The following UNC79 variants were observed in gnomAD, a reference collection of about 807,000 sequenced individuals.
UNC79 encodes the protein protein unc-79 homolog.
UNC79 carries 37 observed loss-of-function variants against 283.1 expected under a neutral mutation model. The observed-to-expected ratio is 0.13, with a 90% CI of 0.10 to 0.17. UNC79 has a LOEUF of 0.17. UNC79 is among the 10% of genes least tolerant of loss of function. The pLI, the probability that UNC79 is intolerant of heterozygous loss-of-function variation, is 1.00. For missense variants in UNC79, 2,272 were observed against 3,211.1 expected (o/e 0.71, Z 7.07); for synonymous variants, 1,107 against 1,200.2 (o/e 0.92, Z 1.61).
chr14:93,484,721 T>A (rs1306205882), intron 4 of UNC79, among the ~76,000 whole-genome samples: 1 of 152,232 alleles, frequency 6.6e-6, no homozygotes, highest in Non-Finnish European at 1.5e-5. Context: ...TCTGTTTACA[T>A]CATGCCTTTT....
At chr14:93,377,816 C>T (rs753342938) in intron 1 of UNC79, among the ~76,000 whole-genome samples, 4 of 152,328 alleles carry the variant, frequency 2.6e-5, no homozygotes, top group Middle Eastern at 6.8e-3. Flanking sequence ...AATGCTCCCA[C>T]TGCAGTATGA....
At chr14:93,664,783 A>C (rs1206826554) in intron 40 of UNC79, among the ~76,000 whole-genome samples, 1 of 152,190 alleles carries the variant, frequency 6.6e-6, no homozygotes, top group Non-Finnish European at 1.5e-5. Flanking sequence ...AAATAACATT[A>C]GTGCTTAGTA....
chr14:93,403,915 C>A (rs1270935799), intron 1 of UNC79, among the ~76,000 whole-genome samples: 1 of 146,916 alleles, frequency 6.8e-6, no homozygotes, highest in Admixed American at 6.8e-5. Flanking sequence ...ACTCTTATAT[C>A]CACTTAAATA....
intron 1 of UNC79, among the ~76,000 whole-genome samples, chr14:93,434,111 G>A (rs998964153): frequency 6.6e-6 from 1 of 152,056 alleles, no homozygotes; most frequent in African/African-American, 2.4e-5. Context: ...TACTCAGGAG[G>A]CTGAGGCAGG....
intron 1 of UNC79, among the ~76,000 whole-genome samples, chr14:93,459,637 C>T (rs2056890323): frequency 6.9e-6 from 1 of 145,080 alleles, no homozygotes; most frequent in Admixed American, 6.9e-5. Context: ...TGCCTTTGGG[C>T]AAGTCACTTA....
At chr14:93,505,322 A>G (rs1406171704) in intron 7 of UNC79, among the ~76,000 whole-genome samples, 2 of 151,950 alleles carry the variant, frequency 1.3e-5, no homozygotes, top group African/African-American at 2.4e-5. Context: ...TGTTTGTTTT[A>G]TATATTTTCA....
At position 93,622,039 on chromosome 14, in the gene UNC79, A is replaced by G. The variant is rs201337890; in HGVS notation, c.4806A>G (p.Lys1602=). 4 of 1,613,976 alleles carry G rather than the reference A, an allele frequency of 2.5e-6. No homozygotes were observed. In the African/African-American group the frequency reaches 4.0e-5, roughly 16 times the overall value. ...ACTCGCCGGTAAAGCCTGCTCCTAA[A>G]GAGGATTTAGATCTGATAGATCTAT... The change falls in exon 30 of 49, where the codon AAA becomes AAG. Residue 1602 remains lysine (K), a synonymous_variant. Transcript: ENST00000555664.
At position 93,655,129 on chromosome 14, in the gene UNC79, C is replaced by T. The variant is rs2070780242; in HGVS notation, c.6283-105C>T. 5.3e-6 allele frequency: 7 copies of T among 1,309,700 alleles called. No individual in the cohort carries two copies. The Admixed American group carries it at 6.4e-5, about 12-fold the overall frequency. The allele number at this position is 1,309,700 out of a possible 1,614,324, so 81.1% of individuals were successfully genotyped here. ...TGGCCTATGTAGTAGGCACTGAACA[C>T]GTTTATAGCCTGAAGATGTGACTTT... On this transcript the variant is annotated intron_variant, in intron 37 of 48. Transcript: ENST00000555664.
intron 1 of UNC79, among the ~76,000 whole-genome samples, chr14:93,404,482 C>T (rs1296322795): frequency 7.1e-5 from 1 of 14,018 alleles, no homozygotes; most frequent in Non-Finnish European, 1.4e-4. Flanking sequence ...AGAGTGAGAC[C>T]TTCTAAAAAA....
chr14:93,392,492 T>C (rs1272502516), intron 1 of UNC79, among the ~76,000 whole-genome samples: 2 of 152,232 alleles, frequency 1.3e-5, no homozygotes, highest in Non-Finnish European at 2.9e-5. Flanking sequence ...ACATGTAGTT[T>C]GTATCAAATT....
chr14:93,611,477 C>G (rs151065485), intron 26 of UNC79, among the ~76,000 whole-genome samples: 2 of 152,294 alleles, frequency 1.3e-5, no homozygotes, highest in African/African-American at 4.8e-5. Context: ...CTGGTAAATT[C>G]CGAATTTGAC....
At chr14:93,551,188 T>C (rs901415155) in intron 14 of UNC79, among the ~76,000 whole-genome samples, 2 of 152,174 alleles carry the variant, frequency 1.3e-5, no homozygotes, top group African/African-American at 4.8e-5. Context: ...TAGCTGGGAC[T>C]ACAGGCGCCC....
downstream of UNC79, chr14:93,706,906 T>G (rs1429070992): frequency 2.5e-6 from 4 of 1,613,990 alleles, no homozygotes; most frequent in Non-Finnish European, 8.5e-7. Flanking sequence ...CCTCTATGAG[T>G]GGACTCCTCG....
intron 1 of UNC79, among the ~76,000 whole-genome samples, chr14:93,336,044 T>C (rs1016867332): frequency 1.3e-5 from 2 of 152,224 alleles, no homozygotes; most frequent in Non-Finnish European, 2.9e-5. Flanking sequence ...TATTCCATGG[T>C]CTGTCACTCC....
At chr14:93,660,688 C>G (rs2071503283) in intron 39 of UNC79, among the ~76,000 whole-genome samples, 1 of 151,234 alleles carries the variant, frequency 6.6e-6, no homozygotes, top group Non-Finnish European at 1.5e-5. Context: ...CTCCCGGGTT[C>G]AAACAATTCT....
chr14:93,371,125 G>A (rs1004747159), intron 1 of UNC79, among the ~76,000 whole-genome samples: 2 of 152,028 alleles, frequency 1.3e-5, no homozygotes, highest in African/African-American at 4.8e-5. Context: ...GCTCACCCCT[G>A]TACCCTGTAA....
chr14:93,681,493 T>A (rs1412533327), intron 41 of UNC79, among the ~76,000 whole-genome samples: 1 of 152,232 alleles, frequency 6.6e-6, no homozygotes, highest in Non-Finnish European at 1.5e-5. Flanking sequence ...TGCCTCCTTA[T>A]CAGGCCTCCT....
chr14:93,469,020 C>T (rs994030505), intron 2 of UNC79, among the ~76,000 whole-genome samples: 5 of 152,170 alleles, frequency 3.3e-5, no homozygotes, highest in Non-Finnish European at 5.9e-5. Flanking sequence ...CAATGGAAAA[C>T]AGTTTCCTTT....
At chr14:93,622,444 C>G in exon 30 of UNC79, 1 of 1,614,154 alleles carries the variant, frequency 6.2e-7, no homozygotes, top group South Asian at 1.1e-5. Context: ...AGTTCTCCTG[C>G]GGTAGCCCAC....
Sources: gnomAD v4.1 joint callset for allele counts (sites outside exome capture counted in the v4.1 genomes callset) on GRCh38, gnomAD v4.1.1 for gene constraint, MANE v1.5 for transcripts, NCBI Gene and HGNC (gene_info 2026-07-23, HGNC 2026-07-21) for gene names.